Variants in TMPRSS9 observed in about 807,000 individuals in gnomAD.
The protein encoded by TMPRSS9 is transmembrane protease serine 9.
In TMPRSS9, 113 loss-of-function variants were observed where a neutral mutation model predicts 111.4. The ratio of observed to expected loss-of-function variants is 1.01; its 90% CI spans 0.87 to 1.19. TMPRSS9 has a LOEUF of 1.19. Ranked by LOEUF, TMPRSS9 falls within the 50% of genes most tolerant of loss-of-function variation. TMPRSS9 has a pLI of 0.00. For synonymous variants in TMPRSS9, 805 were observed against 659.1 expected, an observed-to-expected ratio of 1.22 and a Z score of -3.39; for missense variants, 1,803 against 1,513.1, an observed-to-expected ratio of 1.19 and a Z score of -3.18.
At chr19:2,380,362 A>G (rs1970376754) in intron 1 of TMPRSS9, among the ~76,000 whole-genome samples, 1 of 152,018 alleles carries the variant, frequency 6.6e-6, no homozygotes, top group East Asian at 1.9e-4. Context: ...TTGGGAGGCC[A>G]AGGTGGGTGG....
exon 15 of TMPRSS9, chr19:2,424,101 C>A: frequency 3.8e-6 from 5 of 1,307,166 alleles, no homozygotes; most frequent in South Asian, 2.1e-5. Context: ...TGTGGCCTGG[C>A]GCCGGCCGCG....
intron 9 of TMPRSS9, among the ~76,000 whole-genome samples, chr19:2,411,073 G>T (rs981925967): frequency 3.3e-5 from 5 of 151,954 alleles, no homozygotes; most frequent in African/African-American, 1.2e-4. Flanking sequence ...GCCAAGGCGG[G>T]TGGATCACTT....
At chr19:2,392,566 G>C (rs1363378167) in intron 1 of TMPRSS9, among the ~76,000 whole-genome samples, 1 of 152,166 alleles carries the variant, frequency 6.6e-6, no homozygotes, top group African/African-American at 2.4e-5. Flanking sequence ...AATTAGCCAG[G>C]GCCGGGCGAA....
At chr19:2,424,962 T>G in intron 15 of TMPRSS9, 40 bp from the exon 17 acceptor site, 1 of 1,429,508 alleles carries the variant, frequency 7.0e-7, no homozygotes, top group Non-Finnish European at 9.1e-7. Flanking sequence ...GCCGGGGGCG[T>G]GGGGGCTCGG....
At chr19:2,375,669 AT>A (rs1970327796) in intron 1 of TMPRSS9, among the ~76,000 whole-genome samples, 1 of 152,136 alleles carries the variant, frequency 6.6e-6, no homozygotes, top group Non-Finnish European at 1.5e-5. Flanking sequence ...ATCATCACTG[AT>A]GGGGAGAGGG....
intron 1 of TMPRSS9, among the ~76,000 whole-genome samples, chr19:2,382,411 C>T (rs542542068): frequency 6.6e-6 from 1 of 152,294 alleles, no homozygotes; most frequent in East Asian, 1.9e-4. Flanking sequence ...GGATTACAGG[C>T]GTGAGCCACC....
chr19:2,390,174 G>T (rs1255029441), intron 1 of TMPRSS9, among the ~76,000 whole-genome samples: 3 of 151,118 alleles, frequency 2.0e-5, no homozygotes, highest in Non-Finnish European at 4.4e-5. Context: ...CAGAGAAACA[G>T]AGACAGGGAA....
chr19:2,374,032 G>A (rs957901495), intron 1 of TMPRSS9, among the ~76,000 whole-genome samples: 4 of 152,132 alleles, frequency 2.6e-5, no homozygotes, highest in African/African-American at 7.2e-5. Flanking sequence ...TCCTTGAGGA[G>A]TTGAGAGGAG....
intron 14 of TMPRSS9, 142 bp downstream of exon 15, chr19:2,422,389 C>T (rs572942122): frequency 3.6e-5 from 38 of 1,063,082 alleles, no homozygotes; most frequent in East Asian, 3.2e-4. Context: ...ACCATCCTGG[C>T]GAACACGGTG....
In TMPRSS9 at chr19:2,398,874, C is replaced by T. The variant is rs79675700; in HGVS notation, c.338+12C>T. On this transcript the variant is annotated intron_variant, in intron 3 of 17. Coordinates refer to ENST00000648592, the Ensembl canonical transcript of TMPRSS9. ...GTACTGAATTATAGGTGAGTTGGAG[C>T]TTCCATTGGGTGAAGGAAACTTGGT... is the stretch of plus-strand genomic sequence containing the variant. The T allele has an allele frequency of 3.9e-4, 589 of 1,527,346 alleles. 5 individuals carry two copies. The East Asian group carries it at 0.014, about 37-fold the overall frequency. 94.6% of individuals were successfully genotyped at this position (1,527,346 alleles called of 1,614,324 possible). A position where few individuals can be genotyped will look rare whatever the true frequency, so the allele number is the denominator to read the frequency against.
chr19:2,393,617 G>C (rs1393008865), intron 1 of TMPRSS9, among the ~76,000 whole-genome samples: 1 of 152,068 alleles, frequency 6.6e-6, no homozygotes, highest in Non-Finnish European at 1.5e-5. Context: ...CAATTAGCCA[G>C]GGCCAGGCAT....
intron 2 of TMPRSS9, 93 bp downstream of exon 3, chr19:2,396,759 C>T: frequency 1.4e-6 from 2 of 1,474,092 alleles, no homozygotes; most frequent in Non-Finnish European, 9.1e-7. Context: ...GGGAGGCAGG[C>T]CACAGGCAAC....
At chr19:2,423,939 CTTTCCTGCTGAGT>C in intron 14 of TMPRSS9, 137 bp from the exon 16 acceptor site, 1 of 798,756 alleles carries the variant, frequency 1.3e-6, no homozygotes, top group Non-Finnish European at 1.7e-6. Context: ...GCCCAGTGTC[CTTTCCTGCTGAGT>C]TTTCCTGGGA....
At chr19:2,363,905 G>C (rs1970227261) in intron 1 of TMPRSS9, among the ~76,000 whole-genome samples, 1 of 151,660 alleles carries the variant, frequency 6.6e-6, no homozygotes, top group Non-Finnish European at 1.5e-5. Context: ...TCTGTAAATG[G>C]GCATGCTGAT....
chr19:2,389,463 G>A (rs547290707), upstream of TMPRSS9, among the ~76,000 whole-genome samples: 7 of 148,800 alleles, frequency 4.7e-5, no homozygotes, highest in South Asian at 8.7e-4. Context: ...TCCGCCTCCC[G>A]GGTTCAAGCG....
At chr19:2,370,943 C>G (rs1001872161) in intron 1 of TMPRSS9, among the ~76,000 whole-genome samples, 2 of 152,094 alleles carry the variant, frequency 1.3e-5, no homozygotes, top group Admixed American at 1.3e-4. Context: ...GCCTGGGTGA[C>G]AGAGCCAGAC....
At chr19:2,406,190 T>G (rs1970966664) in intron 7 of TMPRSS9, among the ~76,000 whole-genome samples, 1 of 150,740 alleles carries the variant, frequency 6.6e-6, no homozygotes, top group Non-Finnish European at 1.5e-5. Flanking sequence ...TAATTTTTTT[T>G]TGTATTTTTA....
chr19:2,361,652 C>T (rs1423060651), intron 1 of TMPRSS9, among the ~76,000 whole-genome samples: 1 of 152,148 alleles, frequency 6.6e-6, no homozygotes, highest in African/African-American at 2.4e-5. Context: ...GGAATTAGGG[C>T]GGGGTCCCCA....
At position 2,403,063 on chromosome 19, in the gene TMPRSS9, G is replaced by T; in HGVS notation, c.557-19G>T. 2 of 1,586,158 alleles carry T rather than the reference G, an allele frequency of 1.3e-6. No homozygotes were observed. Among genetic ancestry groups the T allele is most frequent in the Non-Finnish European group, 8.6e-7 (1 of 1,164,122 alleles). ...AGATGTAGCATGAGGTCAGAAAGTC[G>T]GTTCTTTTCTGTCCTCAGGCCGCTG... On this transcript the variant is annotated intron_variant, in intron 5 of 17. Transcript: ENST00000648592.
Sources: allele counts gnomAD v4.1 joint callset (sites outside exome capture counted in the v4.1 genomes callset), GRCh38; gene constraint gnomAD v4.1.1; transcripts MANE v1.5; gene names NCBI Gene and HGNC (gene_info 2026-07-23, HGNC 2026-07-21).